PCDHGB2: variants seen among roughly 807,000 people sequenced by gnomAD.
PCDHGB2 encodes protocadherin gamma subfamily B, 2.
In PCDHGB2, 55 loss-of-function variants were observed where a neutral mutation model predicts 59.3. The observed-to-expected ratio is 0.93, with a 90% CI of 0.75 to 1.16. The LOEUF (loss-of-function observed/expected upper bound fraction) is 1.16. Ranked by LOEUF, PCDHGB2 falls within the 50% of genes most tolerant of loss-of-function variation. PCDHGB2 has a pLI of 0.00. For missense variants in PCDHGB2, 1,228 were observed against 1,198.5 expected, an observed-to-expected ratio of 1.02 and a Z score of -0.36; for synonymous variants, 516 against 512.0, an observed-to-expected ratio of 1.01 and a Z score of -0.11.
At position 141,487,790 on chromosome 5, in the gene PCDHGB2, C is replaced by T. The variant is rs1360781901; in HGVS notation, c.2422-7017C>T. 6.6e-7 allele frequency: 1 copy of T among 1,511,992 alleles called. No individual in the cohort carries two copies. Among genetic ancestry groups the T allele is most frequent in the Non-Finnish European group, 8.9e-7 (1 of 1,120,458 alleles). The allele number at this position is 1,511,992 out of a possible 1,614,324, so 93.7% of individuals were successfully genotyped here. ...GCTTTGTAACTGTTTCGTGAATTAA[C>T]CAGAGTTGTCACAGTTTAGCATTGG... On this transcript the variant is annotated intron_variant, in intron 1 of 3. Coordinates refer to ENST00000522605, the MANE Select transcript of PCDHGB2 (RefSeq NM_018923.3). This position sits in a 1 kb window ranked among gnomAD's most constrained non-coding sequence, Gnocchi z 5.0.
chr5:141,489,093 A>T lies in PCDHGB2; in HGVS notation c.2422-5714A>T. ...GCCCACCCCCGCCACTCGGTGACTA[A>T]GAACTGCTGCAAGCAGGCAAACCTC... is the stretch of plus-strand genomic sequence containing the variant. On this transcript the variant is annotated intron_variant, in intron 1 of 3. Coordinates refer to ENST00000522605, the MANE Select transcript of PCDHGB2 (RefSeq NM_018923.3). This position sits in a 1 kb window ranked among gnomAD's most constrained non-coding sequence, Gnocchi z 4.5. 2.1e-6 allele frequency: 1 copy of T among 477,272 alleles called. No individual in the cohort carries two copies. Among genetic ancestry groups the T allele is most frequent in the Non-Finnish European group, 3.6e-6 (1 of 276,700 alleles). The allele number at this position is 477,272 out of a possible 1,614,324, so 29.6% of individuals were successfully genotyped here.
chr5:141,487,143 C>T lies in PCDHGB2; in HGVS notation c.2422-7664C>T. Reference sequence around the variant, plus strand: ...GATAGTGGTAGTCCACCACTCTCTACCTCTGTTACTCTCTTAGTGTCCTTA... The same window carrying T: ...GATAGTGGTAGTCCACCACTCTCTATCTCTGTTACTCTCTTAGTGTCCTTA... On this transcript the variant is annotated intron_variant, in intron 1 of 3. Coordinates refer to ENST00000522605, the MANE Select transcript of PCDHGB2 (RefSeq NM_018923.3). This position sits in a 1 kb window ranked among gnomAD's most constrained non-coding sequence, Gnocchi z 5.0. 1.2e-6 allele frequency: 2 copies of T among 1,614,028 alleles called. No homozygotes were observed. Among genetic ancestry groups the T allele is most frequent in the Non-Finnish European group, 1.7e-6 (2 of 1,179,862 alleles).
chr5:141,480,413 T>C (rs1478520852), intron 1 of PCDHGB2, among the ~76,000 whole-genome samples: 2 of 135,292 alleles, frequency 1.5e-5, no homozygotes, highest in African/African-American at 3.0e-5. Context: ...AGACCCTGTC[T>C]CAAAAAAAAA....
chr5:141,393,988 T>C (rs765412193), intron 1 of PCDHGB2: 1 of 1,613,578 alleles, frequency 6.2e-7, no homozygotes, highest in Non-Finnish European at 8.5e-7. Context: ...AATTTACCTT[T>C]TAAATTAGAA....
chr5:141,468,039 A>G (rs1007212946), intron 1 of PCDHGB2, among the ~76,000 whole-genome samples: 21 of 152,262 alleles, frequency 1.4e-4, no homozygotes, highest in African/African-American at 5.1e-4. Context: ...CATTTAGAAA[A>G]CTAAGCCGGG....
At position 141,489,135 on chromosome 5, in the gene PCDHGB2, G is replaced by T; in HGVS notation, c.2422-5672G>T. The T allele has an allele frequency of 1.4e-6, 1 of 725,448 alleles. No individual in the cohort carries two copies. The highest frequency in any genetic ancestry group is 2.1e-6 in the Non-Finnish European group (1 of 470,770). 44.9% of individuals were successfully genotyped at this position (725,448 alleles called of 1,614,324 possible). ...GCAAACCTCCGAGCAGTTTTTAAGA[G>T]GCTGGAAGGAGACATAAGAGACTTC... On this transcript the variant is annotated intron_variant, in intron 1 of 3. Coordinates refer to ENST00000522605, the MANE Select transcript of PCDHGB2 (RefSeq NM_018923.3). The surrounding 1 kb of genome is among the most constrained non-coding windows in gnomAD (Gnocchi z 4.5).
At chr5:141,464,426 G>GAT (rs1287556960) in intron 1 of PCDHGB2, among the ~76,000 whole-genome samples, 1 of 151,096 alleles carries the variant, frequency 6.6e-6, no homozygotes, top group African/African-American at 2.4e-5. Flanking sequence ...TATATATATA[G>GAT]ATATATATGT....
At position 141,431,645 on chromosome 5, in the gene PCDHGB2, T is replaced by G. The variant is rs2097404203; in HGVS notation, c.2422-63162T>G. ...GGCGGCCCAAGTTTTCAAACTAGAT[T>G]GTAATTCAGGGACAATATCAACAAT... On this transcript the variant is annotated intron_variant, in intron 1 of 3. Coordinates refer to ENST00000522605, the MANE Select transcript of PCDHGB2 (RefSeq NM_018923.3). This position sits in a 1 kb window ranked among gnomAD's most constrained non-coding sequence, Gnocchi z 4.8. The G allele has an allele frequency of 2.5e-6, 4 of 1,614,236 alleles. No homozygotes were observed. Among genetic ancestry groups the G allele is most frequent in the Non-Finnish European group, 3.4e-6 (4 of 1,180,044 alleles).
chr5:141,389,205 G>A, intron 1 of PCDHGB2: 1 of 1,614,040 alleles, frequency 6.2e-7, no homozygotes, highest in Non-Finnish European at 8.5e-7. Flanking sequence ...CCTGCACATT[G>A]GTGATGTAAA....
In PCDHGB2 at chr5:141,371,282, T is replaced by G. The variant is rs201701201; in HGVS notation, c.2421+8726T>G. On this transcript the variant is annotated intron_variant, in intron 1 of 3. Coordinates refer to ENST00000522605, the MANE Select transcript of PCDHGB2 (RefSeq NM_018923.3). ...TGAGACAACTGTTCAAGCTGGACAG[T>G]AAAACGGGGGAACTCACCACTATTG... 2.0e-4 allele frequency: 326 copies of G among 1,613,828 alleles called. 2 individuals are homozygous for G. The highest frequency in any genetic ancestry group is 4.9e-4 in the Middle Eastern group (3 of 6,084).
rs936869534 is a variant in PCDHGB2, at chr5:141,371,001, G to T, written c.2421+8445G>T. The T allele has an allele frequency of 1.9e-6, 3 of 1,613,852 alleles. No homozygotes were observed. In the African/African-American group the frequency reaches 4.0e-5, roughly 22 times the overall value. ...AGTACTGAAAGCACCCCTGGACAGG[G>T]AAGAGCAGCCACATCACCACCTGGT... On this transcript the variant is annotated intron_variant, in intron 1 of 3. Coordinates refer to ENST00000522605, the MANE Select transcript of PCDHGB2 (RefSeq NM_018923.3).
rs1225025591 is a variant in PCDHGB2 at position 141,493,316 on chromosome 5, T to G, written c.2422-1491T>G. Among the ~76,000 whole-genome samples, 2 of 152,198 alleles carry G rather than the reference T, an allele frequency of 1.3e-5. No homozygotes were observed. The highest frequency in any genetic ancestry group is 2.1e-4 in the South Asian group (1 of 4,826). Reference sequence around the variant, plus strand: ...AGTTCACAGAGCAAGTAAGAGAGATTCTAACCCCTGTCTAACTCCAGAATG... The same window carrying G: ...AGTTCACAGAGCAAGTAAGAGAGATGCTAACCCCTGTCTAACTCCAGAATG... On this transcript the variant is annotated intron_variant, in intron 1 of 3. Coordinates refer to ENST00000522605, the MANE Select transcript of PCDHGB2 (RefSeq NM_018923.3). This position sits in a 1 kb window ranked among gnomAD's most constrained non-coding sequence, Gnocchi z 4.3.
At chr5:141,421,754 A>G (rs1230343518) in intron 1 of PCDHGB2, 4 of 1,613,918 alleles carry the variant, frequency 2.5e-6, no homozygotes, top group East Asian at 2.2e-5. Context: ...CTCAGCCCTA[A>G]TAATTACTTT....
Position 141,431,033 on chromosome 5 carries a change from C to G in PCDHGB2, c.2422-63774C>G, listed in dbSNP as rs1006751011. ...CTTGGTCACGGCGGGCAGGATAGAC[C>G]GGGAGGAGCTCTGTATGGGGGCCAT... On this transcript the variant is annotated intron_variant, in intron 1 of 3. Coordinates refer to ENST00000522605, the MANE Select transcript of PCDHGB2 (RefSeq NM_018923.3). This position sits in a 1 kb window ranked among gnomAD's most constrained non-coding sequence, Gnocchi z 4.8. 1.2e-6 allele frequency: 2 copies of G among 1,613,980 alleles called. No individual in the cohort carries two copies. Among genetic ancestry groups the G allele is most frequent in the Admixed American group, 3.3e-5 (2 of 60,024 alleles).
intron 1 of PCDHGB2, among the ~76,000 whole-genome samples, chr5:141,450,093 G>A (rs1330425383): frequency 2.8e-5 from 4 of 143,748 alleles, no homozygotes; most frequent in East Asian, 2.1e-4. Context: ...TGCAACCTCC[G>A]CCTCCCAGGT....
Position 141,419,433 on chromosome 5 carries a change from T to C in PCDHGB2, c.2421+56877T>C, listed in dbSNP as rs1333004780. 11 of 1,613,246 alleles carry C rather than the reference T, an allele frequency of 6.8e-6. No individual in the cohort carries two copies. The highest frequency in any genetic ancestry group is 9.3e-6 in the Non-Finnish European group (11 of 1,179,828). On this transcript the variant is annotated intron_variant, in intron 1 of 3. Coordinates refer to ENST00000522605, the MANE Select transcript of PCDHGB2 (RefSeq NM_018923.3). ...CAGCGCGCCTTCGACCACGAGCAGC[T>C]GCGCACCTTCGAGCTCACGCTGCAG... is the stretch of plus-strand genomic sequence containing the variant.
At chr5:141,422,984 G>T in intron 1 of PCDHGB2, 2 of 1,614,230 alleles carry the variant, frequency 1.2e-6, no homozygotes, top group Non-Finnish European at 1.7e-6. Flanking sequence ...GCGGAACCTG[G>T]CTACCTGGTG....
At position 141,361,959 on chromosome 5, in the gene PCDHGB2, G is replaced by A; in HGVS notation, c.1824G>A (p.Val608=). ...SGHNAWLSYH[V]LQASEPGLFS... is the part of the protein sequence containing the mutation. Reference sequence around the variant, plus strand: ...ACAACGCTTGGCTGTCCTACCACGTGCTGCAGGCCAGCGAGCCCGGGCTCT... The same window carrying A: ...ACAACGCTTGGCTGTCCTACCACGTACTGCAGGCCAGCGAGCCCGGGCTCT... Residue 608 remains valine (V), a synonymous_variant, in exon 1 of 4, where the codon GTG becomes GTA. Coordinates refer to ENST00000522605, the MANE Select transcript of PCDHGB2 (RefSeq NM_018923.3). 6.2e-7 allele frequency: 1 copy of A among 1,602,806 alleles called. No homozygotes were observed. Among genetic ancestry groups the A allele is most frequent in the Non-Finnish European group, 8.5e-7 (1 of 1,176,796 alleles).
rs1410729947 is a variant in PCDHGB2 at position 141,493,256 on chromosome 5, T to TA, written c.2422-1550dup. 3.3e-5 allele frequency among the ~76,000 whole-genome samples: 5 copies of TA among 152,306 alleles called. No homozygotes were observed. The highest frequency in any genetic ancestry group is 1.2e-4 in the African/African-American group (5 of 41,570). ...TGGCTAGGTACTAACATGCCTCTCT[T>TA]ATAACAGCTTCACAGAGGTCAAGTG... On this transcript the variant is annotated intron_variant, in intron 1 of 3. Transcript: ENST00000522605. This position sits in a 1 kb window ranked among gnomAD's most constrained non-coding sequence, Gnocchi z 4.3.
Sources: gnomAD v4.1 joint callset for allele counts (sites outside exome capture counted in the v4.1 genomes callset) on GRCh38, gnomAD v4.1.1 for gene constraint, Gnocchi (gnomAD v3.1) non-coding constraint, MANE v1.5 for transcripts, NCBI Gene and HGNC (gene_info 2026-07-23, HGNC 2026-07-21) for gene names.